RYR2: variants seen among roughly 807,000 people sequenced by gnomAD.
RYR2 encodes the protein cardiac muscle ryanodine receptor-calcium release channel.
Under a neutral mutation model 601.1 loss-of-function variants are expected in RYR2, and 227 were observed. The observed-to-expected ratio is 0.38, with a 90% confidence interval of 0.34 to 0.42. The LOEUF is 0.42. Among genes scored for constraint, RYR2 ranks in the 10% least tolerant of loss-of-function variants. The pLI, the probability that RYR2 is intolerant of heterozygous loss-of-function variation, is 1.00. For missense variants in RYR2, 4,646 were observed against 6,156.5 expected (o/e 0.75, Z 8.21); for synonymous variants, 2,223 against 2,175.1 (o/e 1.02, Z -0.61).
chr1:237,066,641 CTT>C (rs71178383), intron 1 of RYR2, among the ~76,000 whole-genome samples: 93 of 147,076 alleles, frequency 6.3e-4, no homozygotes, highest in East Asian at 1.4e-3. Context: ...CCGTGTCTTT[CTT>C]TTTTTTTTTT....
At chr1:237,247,584 G>C (rs1361257476) in intron 1 of RYR2, among the ~76,000 whole-genome samples, 4 of 152,128 alleles carry the variant, frequency 2.6e-5, no homozygotes, top group African/African-American at 7.2e-5. Context: ...TTAAGAAAAG[G>C]GGCTCAGATG....
rs1674961151 is a variant in RYR2 at position 237,589,905 on chromosome 1, A to G, written c.3711A>G (p.Glu1237=). Reference sequence around the variant, plus strand: ...TCTGTGGCTTACAAGAGGGCTATGAACCATTTGCCGTTAATACAAACAGGG... The same window carrying G: ...TCTGTGGCTTACAAGAGGGCTATGAGCCATTTGCCGTTAATACAAACAGGG... The part of the protein sequence containing the change: ...FTICGLQEGY[E]PFAVNTNRDI... The change falls in exon 30 of 105, where the codon GAA becomes GAG. Residue 1237 remains glutamate, a synonymous_variant. Coordinates refer to ENST00000366574, the MANE Select transcript of RYR2 (RefSeq NM_001035.3). The G allele has an allele frequency of 1.2e-6, 2 of 1,613,786 alleles. No individual in the cohort carries two copies. The highest frequency in any genetic ancestry group is 1.7e-5 in the Admixed American group (1 of 60,004).
In RYR2 at chr1:237,150,453, T is replaced by A. The variant is rs542653931; in HGVS notation, c.48+107884T>A. ...GGCTGGGATGGAATCTTTTCTGTTTTTGTATCCCCGGTGCTTAACCTAATA... is the reference window on the plus strand; with the variant it reads ...GGCTGGGATGGAATCTTTTCTGTTTATGTATCCCCGGTGCTTAACCTAATA... On this transcript the variant is annotated intron_variant, in intron 1 of 104. Transcript: ENST00000366574. Among the ~76,000 whole-genome samples, 9 of 152,286 alleles carry A rather than the reference T, an allele frequency of 5.9e-5. No individual in the cohort carries two copies. The South Asian group carries it at 1.9e-3, about 32-fold the overall frequency.
chr1:237,424,616 G>A (rs776488891), intron 12 of RYR2, among the ~76,000 whole-genome samples: 1 of 152,100 alleles, frequency 6.6e-6, no homozygotes, highest in Non-Finnish European at 1.5e-5. Flanking sequence ...TACTGGATTA[G>A]GTTTAAATTT....
chr1:237,044,029 T>C (rs1660248969), intron 1 of RYR2, among the ~76,000 whole-genome samples: 1 of 152,162 alleles, frequency 6.6e-6, no homozygotes, highest in Admixed American at 6.6e-5. Flanking sequence ...AGTAATCCAG[T>C]CTAATAGCTG....
chr1:237,581,649 T>C (rs569291565), intron 29 of RYR2, among the ~76,000 whole-genome samples: 3 of 152,282 alleles, frequency 2.0e-5, no homozygotes, highest in African/African-American at 4.8e-5. Context: ...GGGTGGCTTA[T>C]TCAGAAGTCT....
intron 1 of RYR2, among the ~76,000 whole-genome samples, chr1:237,117,524 T>C (rs1283039584): frequency 6.6e-6 from 1 of 152,210 alleles, no homozygotes; most frequent in South Asian, 2.1e-4. Flanking sequence ...CTTCATGCCC[T>C]GGACTGAGAT....
chr1:237,237,503 G>A (rs996125278), intron 1 of RYR2, among the ~76,000 whole-genome samples: 4 of 152,040 alleles, frequency 2.6e-5, no homozygotes, highest in Admixed American at 6.5e-5. Context: ...TGGAATTCAG[G>A]CACAATTGGC....
chr1:237,415,381 T>C (rs1310611819), intron 10 of RYR2, among the ~76,000 whole-genome samples: 2 of 152,170 alleles, frequency 1.3e-5, no homozygotes, highest in Admixed American at 6.5e-5. Context: ...TACCTAAAAC[T>C]CTTAGGTCCT....
chr1:237,324,983 G>A (rs551279259), intron 2 of RYR2, among the ~76,000 whole-genome samples: 11 of 152,298 alleles, frequency 7.2e-5, no homozygotes, highest in African/African-American at 2.6e-4. Context: ...TCCCTATAGT[G>A]TATGTGCATC....
chr1:237,785,237 T>A lies in RYR2; in HGVS notation c.13260+265T>A, dbSNP rs542045453. ...CTTTCTCCACGTTTATATAATTTTA[T>A]ATGCACATTTGAAAAGTTGGGAAAA... On this transcript the variant is annotated intron_variant, in intron 90 of 104. Coordinates refer to ENST00000366574, the MANE Select transcript of RYR2 (RefSeq NM_001035.3). Among the ~76,000 whole-genome samples the A allele has an allele frequency of 7.9e-5, 12 of 152,354 alleles. 1 individual carries two copies. The South Asian group carries it at 2.5e-3, about 32-fold the overall frequency.
At chr1:237,120,055 A>C (rs1330613912) in intron 1 of RYR2, among the ~76,000 whole-genome samples, 1 of 152,174 alleles carries the variant, frequency 6.6e-6, no homozygotes, top group South Asian at 2.1e-4. Context: ...TGATCTCTGG[A>C]GTCAGACCAC....
At chr1:237,817,120 C>T (rs1475305898) in intron 100 of RYR2, among the ~76,000 whole-genome samples, 1 of 152,146 alleles carries the variant, frequency 6.6e-6, no homozygotes, top group African/African-American at 2.4e-5. Context: ...TATTATATGC[C>T]AGGCTGAGTC....
chr1:237,515,672 T>TTCC (rs1666368424), intron 24 of RYR2, among the ~76,000 whole-genome samples: 1 of 104,800 alleles, frequency 9.5e-6, no homozygotes, highest in East Asian at 3.3e-4. Flanking sequence ...CCTCCCTTTT[T>TTCC]TTCCTTCCTT....
At chr1:237,359,811 T>C (rs1459256088) in intron 4 of RYR2, among the ~76,000 whole-genome samples, 4 of 152,202 alleles carry the variant, frequency 2.6e-5, no homozygotes, top group Non-Finnish European at 4.4e-5. Context: ...TCCTGAGTAC[T>C]GGATAAGAAA....
intron 1 of RYR2, among the ~76,000 whole-genome samples, chr1:237,247,276 T>G (rs1034497565): frequency 6.6e-6 from 1 of 152,224 alleles, no homozygotes; most frequent in Non-Finnish European, 1.5e-5. Flanking sequence ...AATAATTGTT[T>G]CTTTAAAAAC....
Position 237,414,136 on chromosome 1 carries a change from A to G in RYR2, c.774-2913A>G, listed in dbSNP as rs538137626. On this transcript the variant is annotated intron_variant, in intron 10 of 104. Transcript: ENST00000366574. Reference sequence around the variant, plus strand: ...GTAAAAGACCCTTATTAAAGGTCAAATGTATTTAAAAAGCTGTGTCTTTGT... The same window carrying G: ...GTAAAAGACCCTTATTAAAGGTCAAGTGTATTTAAAAAGCTGTGTCTTTGT... Among the ~76,000 whole-genome samples, 48 of 152,316 alleles carry G rather than the reference A, an allele frequency of 3.2e-4. 1 individual carries two copies. Among genetic ancestry groups the G allele is most frequent in the African/African-American group, 1.1e-3 (46 of 41,578 alleles).
chr1:237,447,023 T>A (rs1312884737), intron 14 of RYR2, among the ~76,000 whole-genome samples: 2 of 152,216 alleles, frequency 1.3e-5, no homozygotes, highest in African/African-American at 2.4e-5. Context: ...TGATCAATCC[T>A]ATGATAGGGA....
chr1:237,209,053 ATATG>A (rs1312071587), intron 1 of RYR2, among the ~76,000 whole-genome samples: 1 of 80,104 alleles, frequency 1.2e-5, no homozygotes, highest in Non-Finnish European at 2.9e-5. Context: ...TTAATATAAC[ATATG>A]TATGTAACAC....
Sources: gnomAD v4.1 joint callset for allele counts (sites outside exome capture counted in the v4.1 genomes callset) on GRCh38, gnomAD v4.1.1 for gene constraint, MANE v1.5 for transcripts, NCBI Gene and HGNC (gene_info 2026-07-23, HGNC 2026-07-21) for gene names.